WDR64: variants seen among roughly 807,000 people sequenced by gnomAD.
WDR64 encodes the protein WD repeat-containing protein 64.
Under a neutral mutation model 139.3 loss-of-function variants are expected in WDR64, and 112 were observed. That is an observed-to-expected ratio of 0.80 (90% CI 0.69 to 0.94). WDR64 has a LOEUF of 0.94. Ranked by LOEUF, WDR64 falls within the 40% of genes least tolerant of loss-of-function variation. The pLI is 0.00. For missense variants in WDR64, 1,206 were observed against 1,293.1 expected, an observed-to-expected ratio of 0.93 and a Z score of 1.03; for synonymous variants, 444 against 437.7, an observed-to-expected ratio of 1.01 and a Z score of -0.18.
At chr1:241,702,520 G>GGAA (rs1013063899) in intron 8 of WDR64, among the ~76,000 whole-genome samples, 1 of 131,222 alleles carries the variant, frequency 7.6e-6, no homozygotes, top group African/African-American at 2.9e-5. Context: ...AAAATTTAAA[G>GGAA]GAAAAAAAAA....
intron 23 of WDR64, among the ~76,000 whole-genome samples, chr1:241,785,948 G>A (rs1233246097): frequency 6.6e-6 from 1 of 152,184 alleles, no homozygotes; most frequent in African/African-American, 2.4e-5. Context: ...TTATTTGGGA[G>A]AGCTCCATGC....
Position 241,772,820 on chromosome 1 carries a change from G to A in WDR64, c.2319G>A (p.Lys773=). 1 of 1,551,818 alleles carries A rather than the reference G, an allele frequency of 6.4e-7. No individual in the cohort carries two copies. Among genetic ancestry groups the A allele is most frequent in the Non-Finnish European group, 8.7e-7 (1 of 1,147,024 alleles). The change falls in exon 20 of 28, where the codon AAG becomes AAA. Residue 773 remains lysine, a synonymous_variant. Coordinates refer to ENST00000437684, the MANE Select transcript of WDR64 (RefSeq NM_001367482.1). ...KGEQTDVMVG[K]QQPMDKKHPG... is the part of the protein sequence containing the mutation. ...AACAAACAGATGTAATGGTGGGAAA[G>A]CAACAGCCAATGGACAAAAAACACC...
chr1:241,723,511 C>G (rs1057342390), intron 10 of WDR64, 75 bp downstream of exon 10: 1 of 1,452,648 alleles, frequency 6.9e-7, no homozygotes, highest in South Asian at 1.4e-5. Context: ...AGGGATGATA[C>G]AATTTTTGAC....
intron 26 of WDR64, among the ~76,000 whole-genome samples, chr1:241,795,790 A>AATTAAT (rs1659345520): frequency 6.6e-6 from 1 of 152,214 alleles, no homozygotes; most frequent in Non-Finnish European, 1.5e-5. Flanking sequence ...CCTTTGTTAG[A>AATTAAT]CAACTAATTA....
rs779210002 is a variant in WDR64, at chr1:241,683,680, T to C, written c.818T>C (p.Leu273Ser). 3.2e-6 allele frequency: 5 copies of C among 1,550,246 alleles called. No individual in the cohort carries two copies. Among genetic ancestry groups the C allele is most frequent in the South Asian group, 1.2e-5 (1 of 83,934 alleles). ...AAAAGAAAATTACAAAATCAGGTCT[T>C]AGACTCAAAGAACTTTAAAAGGTAA... Reference protein sequence around the residue: ...KSKRKLQNQVLDSKNFKSVKR... With the variant: ...KSKRKLQNQVSDSKNFKSVKR... The change falls in exon 7 of 28, where the codon TTA (leucine) becomes TCA (serine). Residue 273 changes from leucine (L) to serine (S), a missense_variant. Leu to Ser is a moderately radical substitution (Grantham distance 145). Coordinates refer to ENST00000437684, the MANE Select transcript of WDR64 (RefSeq NM_001367482.1).
intron 7 of WDR64, 36 bp from the exon 8 acceptor site, chr1:241,687,425 T>C (rs1322410299): frequency 1.9e-6 from 3 of 1,611,052 alleles, no homozygotes; most frequent in Admixed American, 3.4e-5. Flanking sequence ...TTTGTGTGTC[T>C]AACATAAATC....
rs769206268 is a variant in WDR64, at chr1:241,671,087, T to C, written c.290T>C (p.Phe97Ser). The C allele has an allele frequency of 1.2e-5, 19 of 1,549,084 alleles. No individual in the cohort carries two copies. The highest frequency in any genetic ancestry group is 1.2e-5 in the South Asian group (1 of 83,026). Reference sequence around the variant, plus strand: ...TTGGGATTTCAGATCTTTGGATACTTCTCCTCTGAAGAAGATCCTATTGCT... The same window carrying C: ...TTGGGATTTCAGATCTTTGGATACTCCTCCTCTGAAGAAGATCCTATTGCT... ...SADWCEIFGY[F>S]SSEEDPIASQ... is the part of the protein sequence containing the mutation. Residue 97 changes from phenylalanine (F) to serine (S), a missense_variant, in exon 3 of 28, where the codon TTC becomes TCC. Transcript: ENST00000437684.
intron 15 of WDR64, among the ~76,000 whole-genome samples, chr1:241,763,571 G>A (rs1233781713): frequency 6.6e-6 from 1 of 152,142 alleles, no homozygotes; most frequent in African/African-American, 2.4e-5. Flanking sequence ...CAGGTATGGT[G>A]GCGTACGCCT....
chr1:241,791,679 AAAAAAAAG>A (rs956207865), intron 25 of WDR64, among the ~76,000 whole-genome samples: 1 of 152,130 alleles, frequency 6.6e-6, no homozygotes, highest in Non-Finnish European at 1.5e-5. Context: ...CTGGGGGAAA[AAAAAAAAG>A]AAAAAACAAC....
At chr1:241,738,947 A>G (rs1274550251) in intron 11 of WDR64, among the ~76,000 whole-genome samples, 2 of 152,188 alleles carry the variant, frequency 1.3e-5, no homozygotes, top group African/African-American at 4.8e-5. Context: ...TTGACTCTGG[A>G]GCAGGAATAT....
chr1:241,704,126 G>C (rs1048049454), intron 8 of WDR64, among the ~76,000 whole-genome samples: 1 of 152,160 alleles, frequency 6.6e-6, no homozygotes, highest in Non-Finnish European at 1.5e-5. Context: ...GAAACTGTGA[G>C]TCTGGTGCCA....
chr1:241,794,502 C>CTT lies in WDR64; in HGVS notation c.2998-704_2998-703insTT, dbSNP rs1659299229. 6.8e-4 allele frequency among the ~76,000 whole-genome samples: 71 copies of CTT among 105,008 alleles called. 3 individuals carry two copies. Among genetic ancestry groups the CTT allele is most frequent in the African/African-American group, 1.1e-3 (27 of 25,108 alleles). The allele number at this position is 105,008 out of a possible 152,430, so 68.9% of individuals were successfully genotyped here. Reference sequence around the variant, plus strand: ...AATGCCCCACATATTTTAAGCTTTACTGTTTTTTTTTTTTTTTTTTTTTTG... The same window carrying CTT: ...AATGCCCCACATATTTTAAGCTTTACTTTGTTTTTTTTTTTTTTTTTTTTTTG... On this transcript the variant is annotated intron_variant, in intron 25 of 27. Transcript: ENST00000437684.
chr1:241,736,677 T>C (rs7417495), intron 10 of WDR64, among the ~76,000 whole-genome samples: 64,470 of 151,956 alleles, frequency 0.42, 14,753 homozygotes, highest in African/African-American at 0.6. Flanking sequence ...CTCTAAAACA[T>C]ACAGGAAAGA....
chr1:241,794,813 TTC>T (rs1251343836), intron 25 of WDR64, among the ~76,000 whole-genome samples: 1 of 152,170 alleles, frequency 6.6e-6, no homozygotes, highest in Admixed American at 6.5e-5. Flanking sequence ...GGCCGCTTTA[TTC>T]TCTTTTTACC....
At chr1:241,674,436 G>A (rs985069221) in intron 3 of WDR64, among the ~76,000 whole-genome samples, 10 of 151,360 alleles carry the variant, frequency 6.6e-5, no homozygotes, top group Admixed American at 2.0e-4. Flanking sequence ...TTGTGTTTTT[G>A]GTAGAGATGG....
At chr1:241,762,771 T>C (rs1657977975) in intron 15 of WDR64, among the ~76,000 whole-genome samples, 1 of 138,486 alleles carries the variant, frequency 7.2e-6, no homozygotes, top group African/African-American at 2.9e-5. Flanking sequence ...TAAAGCTTCC[T>C]TGCAAAAAAA....
chr1:241,786,076 A>G (rs1659025980), intron 23 of WDR64, among the ~76,000 whole-genome samples: 2 of 152,326 alleles, frequency 1.3e-5, no homozygotes, highest in South Asian at 2.1e-4. Context: ...GGGCTGGTCT[A>G]TTTCTCTTTG....
chr1:241,789,505 A>G (rs756695225), intron 24 of WDR64, among the ~76,000 whole-genome samples: 75 of 152,208 alleles, frequency 4.9e-4, no homozygotes, highest in Non-Finnish European at 7.9e-4. Flanking sequence ...AGACTGGATA[A>G]AGAAAGTGTG....
At chr1:241,722,272 T>C (rs1668640239) in intron 9 of WDR64, among the ~76,000 whole-genome samples, 1 of 152,190 alleles carries the variant, frequency 6.6e-6, no homozygotes, top group Non-Finnish European at 1.5e-5. Context: ...ATGACAATAT[T>C]CATGTGCTGG....
Sources: allele counts gnomAD v4.1 joint callset (sites outside exome capture counted in the v4.1 genomes callset), GRCh38; gene constraint gnomAD v4.1.1; transcripts MANE v1.5; gene names NCBI Gene and HGNC (gene_info 2026-07-23, HGNC 2026-07-21).